Variants in ST6GALNAC3 observed in about 807,000 individuals in gnomAD.
ST6GALNAC3 encodes the protein ST6 N-acetylgalactosaminide alpha-2,6-sialyltransferase 3, also known as alpha-N-acetylgalactosaminide alpha-2,6-sialyltransferase 3.
ST6GALNAC3 carries 25 observed loss-of-function variants against 32.7 expected under a neutral mutation model. That is an observed-to-expected ratio of 0.76 (90% CI 0.56 to 1.07). The LOEUF is 1.07. Ranked by LOEUF, ST6GALNAC3 falls within the 50% of genes least tolerant of loss-of-function variation. ST6GALNAC3 has a pLI of 0.00. For missense variants in ST6GALNAC3, 355 were observed against 382.4 expected, an observed-to-expected ratio of 0.93 and a Z score of 0.60; for synonymous variants, 129 against 133.1, an observed-to-expected ratio of 0.97 and a Z score of 0.21.
intron 1 of ST6GALNAC3, among the ~76,000 whole-genome samples, chr1:76,124,824 A>G (rs893382081): frequency 2.0e-5 from 3 of 152,172 alleles, no homozygotes; most frequent in Middle Eastern, 3.2e-3. Context: ...TCATTGTCCA[A>G]TATGGTAGCT....
At chr1:76,477,288 A>G (rs1659415078) in intron 3 of ST6GALNAC3, among the ~76,000 whole-genome samples, 1 of 151,964 alleles carries the variant, frequency 6.6e-6, no homozygotes, top group African/African-American at 2.4e-5. Context: ...GACCTGACTC[A>G]CACTCTGAAT....
chr1:76,378,982 T>A (rs1212112063), intron 2 of ST6GALNAC3, among the ~76,000 whole-genome samples: 2 of 152,140 alleles, frequency 1.3e-5, no homozygotes, highest in Non-Finnish European at 2.9e-5. Context: ...CTGCAACCTC[T>A]GCCGCCCGAG....
intron 3 of ST6GALNAC3, among the ~76,000 whole-genome samples, chr1:76,515,700 C>A (rs1471652314): frequency 1.3e-5 from 2 of 152,012 alleles, no homozygotes; most frequent in African/African-American, 2.4e-5. Flanking sequence ...ATTTAATTTC[C>A]ATGTATTTGT....
intron 3 of ST6GALNAC3, among the ~76,000 whole-genome samples, chr1:76,426,681 C>T (rs140551935): frequency 6.6e-6 from 1 of 151,826 alleles, no homozygotes; most frequent in African/African-American, 2.4e-5. Flanking sequence ...TTATCATTAT[C>T]AAGTATTATA....
chr1:76,367,138 A>T (rs1420551617), intron 2 of ST6GALNAC3, among the ~76,000 whole-genome samples: 1 of 152,204 alleles, frequency 6.6e-6, no homozygotes, highest in Non-Finnish European at 1.5e-5. Flanking sequence ...CCAAAAACAT[A>T]TGGCTCATTA....
At chr1:76,544,079 TTATA>T (rs3086266) in intron 3 of ST6GALNAC3, among the ~76,000 whole-genome samples, 15,093 of 145,346 alleles carry the variant, frequency 0.1, 1,191 homozygotes, top group African/African-American at 0.21. Flanking sequence ...TTAATTACAT[TTATA>T]TATATATATA....
chr1:76,353,205 A>G (rs1363254693), intron 2 of ST6GALNAC3, among the ~76,000 whole-genome samples: 1 of 152,028 alleles, frequency 6.6e-6, no homozygotes, highest in African/African-American at 2.4e-5. Flanking sequence ...CTGGCCTTCT[A>G]TTCCCTTAAC....
At chr1:76,131,160 G>T (rs569758782) in intron 1 of ST6GALNAC3, among the ~76,000 whole-genome samples, 5 of 152,314 alleles carry the variant, frequency 3.3e-5, no homozygotes, top group Admixed American at 6.5e-5. Context: ...GTAATACTCT[G>T]TTGATTTTAT....
At chr1:76,339,019 A>T (rs1647737484) in intron 2 of ST6GALNAC3, among the ~76,000 whole-genome samples, 1 of 152,032 alleles carries the variant, frequency 6.6e-6, no homozygotes, top group African/African-American at 2.4e-5. Context: ...TGTGAAGATC[A>T]TCCCCAACCT....
chr1:76,537,778 T>C (rs998616575), intron 3 of ST6GALNAC3, among the ~76,000 whole-genome samples: 1 of 152,076 alleles, frequency 6.6e-6, no homozygotes, highest in African/African-American at 2.4e-5. Flanking sequence ...TAGAAAAGGC[T>C]AAATTCCTAG....
intron 3 of ST6GALNAC3, chr1:76,577,020 T>A: frequency 1.7e-6 from 2 of 1,189,346 alleles, no homozygotes; most frequent in Non-Finnish European, 2.1e-6. Context: ...AGATTAAGAT[T>A]GTGGCTTTGT....
At chr1:76,235,139 T>C (rs990527552) in intron 1 of ST6GALNAC3, among the ~76,000 whole-genome samples, 2 of 152,150 alleles carry the variant, frequency 1.3e-5, no homozygotes, top group Non-Finnish European at 1.5e-5. Flanking sequence ...TTCAGAGCTA[T>C]TGTTCAAAAA....
chr1:76,354,987 C>T (rs2101033109), intron 2 of ST6GALNAC3, among the ~76,000 whole-genome samples: 1 of 152,242 alleles, frequency 6.6e-6, no homozygotes, highest in African/African-American at 2.4e-5. Context: ...CAGAGGTTGA[C>T]TTTATTGACT....
At chr1:76,578,134 T>C (rs1646838230) in intron 3 of ST6GALNAC3, among the ~76,000 whole-genome samples, 1 of 152,074 alleles carries the variant, frequency 6.6e-6, no homozygotes, top group Non-Finnish European at 1.5e-5. Flanking sequence ...TTTGAGGTGT[T>C]TCTGGGATGT....
chr1:76,218,545 T>G (rs977951110), intron 1 of ST6GALNAC3, among the ~76,000 whole-genome samples: 1 of 152,218 alleles, frequency 6.6e-6, no homozygotes, highest in Admixed American at 6.5e-5. Context: ...TATACAATTT[T>G]AAAAGAAAAG....
intron 1 of ST6GALNAC3, among the ~76,000 whole-genome samples, chr1:76,242,485 T>C (rs1657025209): frequency 6.6e-6 from 1 of 152,112 alleles, no homozygotes; most frequent in Non-Finnish European, 1.5e-5. Flanking sequence ...ATGTGTAGAA[T>C]GTGCAGGTTT....
chr1:76,397,969 G>C (rs1653106721), intron 2 of ST6GALNAC3, among the ~76,000 whole-genome samples: 1 of 151,902 alleles, frequency 6.6e-6, no homozygotes, highest in African/African-American at 2.4e-5. Context: ...CTCTATTTCA[G>C]TATTAATACT....
At chr1:76,111,329 G>A (rs747942511) in intron 1 of ST6GALNAC3, among the ~76,000 whole-genome samples, 4 of 150,504 alleles carry the variant, frequency 2.7e-5, no homozygotes, top group Non-Finnish European at 4.4e-5. Flanking sequence ...AGACGTCTTA[G>A]TGAGAGGTTT....
chr1:76,285,124 C>A (rs1642583125), intron 1 of ST6GALNAC3, among the ~76,000 whole-genome samples: 1 of 152,154 alleles, frequency 6.6e-6, no homozygotes, highest in South Asian at 2.1e-4. Flanking sequence ...ATAGAGAATT[C>A]CTTGTGTCTA....
Sources: gnomAD v4.1 joint callset for allele counts (sites outside exome capture counted in the v4.1 genomes callset) on GRCh38, gnomAD v4.1.1 for gene constraint, MANE v1.5 for transcripts, NCBI Gene and HGNC (gene_info 2026-07-23, HGNC 2026-07-21) for gene names.